The following MARCHF11 variants were observed in gnomAD, a reference collection of about 807,000 sequenced individuals.
The protein encoded by MARCHF11 is membrane associated ring-CH-type finger 11, also known as E3 ubiquitin-protein ligase MARCHF11.
Under a neutral mutation model 37.3 loss-of-function variants are expected in MARCHF11, and 29 were observed. The observed-to-expected ratio is 0.78, with a 90% confidence interval of 0.58 to 1.06. The LOEUF (loss-of-function observed/expected upper bound fraction) is 1.06, where lower values mean the gene tolerates loss of function less well. Among genes scored for constraint, MARCHF11 ranks in the 50% least tolerant of loss-of-function variants. The probability of loss-of-function intolerance (pLI) is 0.00; values close to 1 mark genes in which losing one functional copy is unlikely to be tolerated. For synonymous variants in MARCHF11, 233 were observed against 228.0 expected (o/e 1.02, Z -0.20); for missense variants, 482 against 533.4 (o/e 0.90, Z 0.95).
chr5:16,165,602 A>G (rs960098757), intron 2 of MARCHF11, among the ~76,000 whole-genome samples: 2 of 151,938 alleles, frequency 1.3e-5, no homozygotes, highest in African/African-American at 2.4e-5. Context: ...ATTGTCCCCA[A>G]TTTGGTTTTG....
At chr5:16,102,515 T>G (rs373871792) in intron 2 of MARCHF11, among the ~76,000 whole-genome samples, 4 of 152,162 alleles carry the variant, frequency 2.6e-5, no homozygotes, top group East Asian at 1.9e-4. Flanking sequence ...GAGAGAAGTG[T>G]CTGAATGTCT....
chr5:16,094,980 G>A (rs1449504807), intron 2 of MARCHF11, among the ~76,000 whole-genome samples: 4 of 152,162 alleles, frequency 2.6e-5, no homozygotes, highest in Non-Finnish European at 5.9e-5. Flanking sequence ...GCAGAGAGAA[G>A]TTAAACAACG....
At chr5:16,177,507 A>G (rs1738382026) in intron 2 of MARCHF11, among the ~76,000 whole-genome samples, 1 of 152,258 alleles carries the variant, frequency 6.6e-6, no homozygotes, top group Non-Finnish European at 1.5e-5. Context: ...AAAAATTAAT[A>G]AAGGAAACCA....
chr5:16,151,883 T>TG (rs112407988), intron 2 of MARCHF11, among the ~76,000 whole-genome samples: 16,531 of 151,780 alleles, frequency 0.11, 2,530 homozygotes, highest in African/African-American at 0.35. Flanking sequence ...TTGTTGTTGT[T>TG]TTGTCATTTG....
intron 3 of MARCHF11, among the ~76,000 whole-genome samples, 172 bp downstream of exon 3, chr5:16,090,717 G>A (rs930261317): frequency 7.3e-5 from 11 of 151,334 alleles, no homozygotes. Flanking sequence ...GAATATAGAT[G>A]CTATGCTTTC....
Position 16,140,627 on chromosome 5 carries a change from C to T in MARCHF11, c.693+37099G>A, listed in dbSNP as rs140080782. Among the ~76,000 whole-genome samples the T allele has an allele frequency of 5.5e-4, 83 of 152,260 alleles. No individual in the cohort carries two copies. The East Asian group carries it at 0.013, about 24-fold the overall frequency. On this transcript the variant is annotated intron_variant, in intron 2 of 3. Transcript: ENST00000332432. ...CTATGAAATCGACATAACCTCTACACCAACCCCCTACAAAGACAGCACATG... is the reference window on the plus strand; with the variant it reads ...CTATGAAATCGACATAACCTCTACATCAACCCCCTACAAAGACAGCACATG...
At chr5:16,137,852 G>A (rs904215580) in intron 2 of MARCHF11, among the ~76,000 whole-genome samples, 2 of 152,182 alleles carry the variant, frequency 1.3e-5, no homozygotes, top group African/African-American at 2.4e-5. Context: ...ACTTGAGAGA[G>A]ATGATTTAGG....
chr5:16,069,674 G>A (rs1027176306), intron 3 of MARCHF11, among the ~76,000 whole-genome samples: 3 of 152,130 alleles, frequency 2.0e-5, no homozygotes, highest in Admixed American at 6.5e-5. Flanking sequence ...GACAGAAACT[G>A]TAATGGAAGA....
At chr5:16,107,663 G>A (rs1016233697) in intron 2 of MARCHF11, among the ~76,000 whole-genome samples, 4 of 151,940 alleles carry the variant, frequency 2.6e-5, no homozygotes, top group African/African-American at 9.7e-5. Context: ...TTGTTTTTGT[G>A]CCCAAAAAGT....
intron 2 of MARCHF11, among the ~76,000 whole-genome samples, chr5:16,106,192 G>A (rs1035951216): frequency 5.3e-5 from 8 of 152,100 alleles, no homozygotes; most frequent in African/African-American, 1.9e-4. Flanking sequence ...TTCCAGGCAG[G>A]AGCAACCTGA....
chr5:16,150,475 AT>A (rs1209568835), intron 2 of MARCHF11, among the ~76,000 whole-genome samples: 4 of 149,710 alleles, frequency 2.7e-5, no homozygotes, highest in African/African-American at 1.0e-4. Context: ...AGAGCCCTGC[AT>A]TGTCTCTGTG....
At chr5:16,113,040 T>C (rs549568678) in intron 2 of MARCHF11, among the ~76,000 whole-genome samples, 1 of 152,144 alleles carries the variant, frequency 6.6e-6, no homozygotes, top group Non-Finnish European at 1.5e-5. Flanking sequence ...AACAGACTAA[T>C]ACGTAACCAG....
At chr5:16,116,971 A>G (rs1560979613) in intron 2 of MARCHF11, among the ~76,000 whole-genome samples, 1 of 152,206 alleles carries the variant, frequency 6.6e-6, no homozygotes, top group Non-Finnish European at 1.5e-5. Flanking sequence ...GACAGAGATA[A>G]TGGGAGGGAA....
chr5:16,079,901 T>G (rs1259290427), intron 3 of MARCHF11, among the ~76,000 whole-genome samples: 1 of 152,110 alleles, frequency 6.6e-6, no homozygotes, highest in African/African-American at 2.4e-5. Context: ...CCTTCCTGGG[T>G]GCTGGGCTCT....
intron 2 of MARCHF11, among the ~76,000 whole-genome samples, chr5:16,120,041 A>G (rs764915980): frequency 1.6e-4 from 25 of 152,244 alleles, no homozygotes; most frequent in Non-Finnish European, 1.6e-4. Flanking sequence ...GTATCTGTGC[A>G]GCAGGCCAGG....
At chr5:16,165,818 C>T (rs1738159492) in intron 2 of MARCHF11, among the ~76,000 whole-genome samples, 1 of 152,006 alleles carries the variant, frequency 6.6e-6, no homozygotes, top group African/African-American at 2.4e-5. Context: ...AAGGTATTTC[C>T]TCATCCTTTC....
chr5:16,068,270 G>A (rs1403381328), intron 3 of MARCHF11, among the ~76,000 whole-genome samples: 3 of 152,112 alleles, frequency 2.0e-5, no homozygotes, highest in Admixed American at 1.3e-4. Context: ...AATGCCTGAC[G>A]CACAGTAAAA....
intron 2 of MARCHF11, among the ~76,000 whole-genome samples, chr5:16,114,968 C>G (rs1232666598): frequency 6.6e-6 from 1 of 152,034 alleles, no homozygotes; most frequent in Non-Finnish European, 1.5e-5. Context: ...AGTTCTTCTA[C>G]TTGATGGTAT....
chr5:16,118,911 C>T (rs911119583), intron 2 of MARCHF11, among the ~76,000 whole-genome samples: 2 of 152,080 alleles, frequency 1.3e-5, no homozygotes, highest in Admixed American at 6.6e-5. Context: ...AGGAGAGTGG[C>T]TGGGAAAGGA....
Sources: gnomAD v4.1 joint callset for allele counts (sites outside exome capture counted in the v4.1 genomes callset) on GRCh38, gnomAD v4.1.1 for gene constraint, MANE v1.5 for transcripts, NCBI Gene and HGNC (gene_info 2026-07-23, HGNC 2026-07-21) for gene names.